Variants in RBFOX1 observed in about 807,000 individuals in gnomAD.
The protein encoded by RBFOX1 is RNA binding fox-1 homolog 1.
RBFOX1 carries 8 observed loss-of-function variants against 57.7 expected under a neutral mutation model. The observed-to-expected ratio is 0.14, with a 90% CI of 0.08 to 0.25. RBFOX1 has a LOEUF of 0.25. Among genes scored for constraint, RBFOX1 ranks in the 10% least tolerant of loss-of-function variants. RBFOX1 has a pLI of 1.00. For missense variants in RBFOX1, 611 were observed against 548.5 expected (o/e 1.11, Z -1.14); for synonymous variants, 326 against 222.4 (o/e 1.47, Z -4.15).
chr16:7,461,368 A>G (rs1228090195), intron 4 of RBFOX1, among the ~76,000 whole-genome samples: 1 of 152,122 alleles, frequency 6.6e-6, no homozygotes, highest in Non-Finnish European at 1.5e-5. Flanking sequence ...GGGTTTCACC[A>G]TGTTGGCCAG....
intron 3 of RBFOX1, among the ~76,000 whole-genome samples, chr16:6,703,048 A>G (rs978202155): frequency 2.2e-4 from 34 of 152,016 alleles, no homozygotes; most frequent in African/African-American, 7.2e-4. Context: ...GGCCTATCTC[A>G]CTTGCCTCAA....
intron 1 of RBFOX1, among the ~76,000 whole-genome samples, chr16:6,132,008 T>G (rs2096633397): frequency 6.6e-6 from 1 of 152,216 alleles, no homozygotes; most frequent in African/African-American, 2.4e-5. Flanking sequence ...TTAATTAGCT[T>G]TTAGGAGCAT....
intron 3 of RBFOX1, among the ~76,000 whole-genome samples, chr16:5,618,675 A>C (rs2048118370): frequency 6.6e-6 from 1 of 152,224 alleles, no homozygotes; most frequent in African/African-American, 2.4e-5. Context: ...CCTCAAAAAA[A>C]CTGTTTTAAA....
intron 4 of RBFOX1, among the ~76,000 whole-genome samples, chr16:7,315,524 A>G (rs1603619143): frequency 6.7e-6 from 1 of 149,190 alleles, no homozygotes; most frequent in Non-Finnish European, 1.5e-5. Flanking sequence ...TCTGGTTCTT[A>G]TTAACATTTA....
chr16:6,369,415 G>C (rs1489707101), intron 2 of RBFOX1, among the ~76,000 whole-genome samples: 3 of 152,194 alleles, frequency 2.0e-5, no homozygotes, highest in Non-Finnish European at 4.4e-5. Context: ...CATTGTTTGA[G>C]AACGTTTGTC....
At chr16:7,251,744 G>A (rs1012263644) in intron 4 of RBFOX1, among the ~76,000 whole-genome samples, 1 of 152,072 alleles carries the variant, frequency 6.6e-6, no homozygotes, top group Non-Finnish European at 1.5e-5. Context: ...GTCAGTGCAC[G>A]CTTAGGTTGA....
chr16:6,116,576 G>T (rs2088205824), intron 1 of RBFOX1, among the ~76,000 whole-genome samples: 1 of 152,186 alleles, frequency 6.6e-6, no homozygotes, highest in Non-Finnish European at 1.5e-5. Context: ...GCCAGTGCAG[G>T]TGAGGAGAGG....
chr16:7,359,905 A>G (rs904309318), intron 4 of RBFOX1, among the ~76,000 whole-genome samples: 5 of 151,036 alleles, frequency 3.3e-5, no homozygotes, highest in African/African-American at 1.2e-4. Context: ...AATGGTGTGA[A>G]CCCAGGAGGC....
intron 2 of RBFOX1, among the ~76,000 whole-genome samples, chr16:6,323,685 T>C (rs1024740646): frequency 6.6e-6 from 1 of 152,164 alleles, no homozygotes; most frequent in Non-Finnish European, 1.5e-5. Flanking sequence ...ACATTATTTA[T>C]ATGTTTATTA....
intron 1 of RBFOX1, among the ~76,000 whole-genome samples, chr16:6,064,980 C>T (rs941963918): frequency 2.0e-5 from 3 of 151,798 alleles, no homozygotes; most frequent in African/African-American, 4.8e-5. Context: ...AAAAAAAAAC[C>T]TCCCTACGTG....
chr16:6,646,416 A>G (rs1186375312), intron 2 of RBFOX1, among the ~76,000 whole-genome samples: 1 of 152,102 alleles, frequency 6.6e-6, no homozygotes, highest in East Asian at 1.9e-4. Context: ...AAATTGAATA[A>G]TCTTAGGGAA....
At chr16:6,611,303 C>T (rs149097343) in intron 2 of RBFOX1, among the ~76,000 whole-genome samples, 1,774 of 152,168 alleles carry the variant, frequency 0.012, 21 homozygotes, top group Middle Eastern at 0.021. Context: ...CACACCACCA[C>T]GCCTGGCTAA....
chr16:5,535,339 TG>T (rs1555459157), intron 2 of RBFOX1, among the ~76,000 whole-genome samples: 3 of 152,144 alleles, frequency 2.0e-5, no homozygotes, highest in Non-Finnish European at 4.4e-5. Flanking sequence ...TGGTCCATCC[TG>T]GGGCACAATT....
At chr16:7,152,042 C>G (rs956717883) in intron 4 of RBFOX1, among the ~76,000 whole-genome samples, 1 of 152,064 alleles carries the variant, frequency 6.6e-6, no homozygotes, top group African/African-American at 2.4e-5. Flanking sequence ...GTTTATGGAC[C>G]CCTGCTCTAG....
intron 4 of RBFOX1, among the ~76,000 whole-genome samples, chr16:7,356,199 C>G (rs1247245323): frequency 1.3e-5 from 2 of 152,190 alleles, no homozygotes; most frequent in African/African-American, 4.8e-5. Context: ...GTTCTAGGCA[C>G]TGAGAATACA....
intron 3 of RBFOX1, among the ~76,000 whole-genome samples, chr16:5,800,610 C>T (rs1416055536): frequency 6.6e-6 from 1 of 152,092 alleles, no homozygotes; most frequent in African/African-American, 2.4e-5. Flanking sequence ...GGATGTGACC[C>T]AGTGACTCAG....
At chr16:6,949,927 C>G (rs1256986152) in intron 3 of RBFOX1, among the ~76,000 whole-genome samples, 1 of 138,288 alleles carries the variant, frequency 7.2e-6, no homozygotes, top group Admixed American at 7.3e-5. Flanking sequence ...AGCTCCTTCC[C>G]TGAGTACGTT....
At chr16:5,600,649 T>G (rs532399086), downstream of RBFOX1, among the ~76,000 whole-genome samples, 2 of 152,188 alleles carry the variant, frequency 1.3e-5, no homozygotes, top group East Asian at 3.9e-4. Context: ...CTGGAATCTG[T>G]AAGGGCCCAC....
intron 3 of RBFOX1, among the ~76,000 whole-genome samples, chr16:5,856,125 A>C (rs1413458716): frequency 7.6e-6 from 1 of 130,950 alleles, no homozygotes; most frequent in African/African-American, 2.9e-5. Context: ...TATTATTTCT[A>C]AATTTTTTTC....
Sources: allele counts gnomAD v4.1 joint callset (sites outside exome capture counted in the v4.1 genomes callset), GRCh38; gene constraint gnomAD v4.1.1; transcripts MANE v1.5; gene names NCBI Gene and HGNC (gene_info 2026-07-23, HGNC 2026-07-21).